The following NRDC variants were observed in gnomAD, a reference collection of about 807,000 sequenced individuals.
The protein encoded by NRDC is nardilysin.
NRDC carries 54 observed loss-of-function variants against 147.1 expected under a neutral mutation model. The ratio of observed to expected loss-of-function variants is 0.37; its 90% CI spans 0.29 to 0.46. NRDC has a LOEUF of 0.46. NRDC is among the 20% of genes least tolerant of loss of function. The pLI is 1.00. For missense variants in NRDC, 1,082 were observed against 1,370.6 expected, an observed-to-expected ratio of 0.79 and a Z score of 3.33; for synonymous variants, 440 against 482.1, an observed-to-expected ratio of 0.91 and a Z score of 1.14.
At chr1:51,876,814 C>T (rs79111080) in intron 1 of NRDC, among the ~76,000 whole-genome samples, 2,739 of 152,304 alleles carry the variant, frequency 0.018, 82 homozygotes, top group African/African-American at 0.063. Context: ...TTGTTTCTTG[C>T]GCTAACGCTG....
intron 4 of NRDC, among the ~76,000 whole-genome samples, chr1:51,831,312 G>A (rs1006153001): frequency 6.6e-5 from 10 of 152,088 alleles, no homozygotes; most frequent in African/African-American, 2.4e-4. Flanking sequence ...AATAAAATCA[G>A]TTATTTTTCC....
intron 5 of NRDC, among the ~76,000 whole-genome samples, chr1:51,825,979 A>G (rs1269858287): frequency 6.6e-6 from 1 of 152,374 alleles, no homozygotes; most frequent in East Asian, 1.9e-4. Context: ...CCCTTGTAAA[A>G]GAGACCTCAG....
chr1:51,870,857 TATCTTC>T (rs1314080228), intron 1 of NRDC, among the ~76,000 whole-genome samples: 2 of 152,100 alleles, frequency 1.3e-5, no homozygotes, highest in Non-Finnish European at 2.9e-5. Context: ...TTACTGTCTG[TATCTTC>T]AACTTCTCTA....
chr1:51,868,742 C>T (rs751312254), intron 1 of NRDC, among the ~76,000 whole-genome samples: 1 of 151,874 alleles, frequency 6.6e-6, no homozygotes, highest in Non-Finnish European at 1.5e-5. Context: ...TGTGGTGGTG[C>T]GTGCCTGTCG....
At chr1:51,830,556 G>A (rs1489483888) in intron 4 of NRDC, among the ~76,000 whole-genome samples, 3 of 152,116 alleles carry the variant, frequency 2.0e-5, no homozygotes, top group Non-Finnish European at 2.9e-5. Context: ...CAAGACTTGG[G>A]GTTCCCCAGA....
At chr1:51,821,442 A>C in intron 8 of NRDC, 56 bp downstream of exon 8, 1 of 1,230,660 alleles carries the variant, frequency 8.1e-7, no homozygotes, top group Non-Finnish European at 1.2e-6. Flanking sequence ...GACTCATACA[A>C]GATAATGGTC....
intron 1 of NRDC, among the ~76,000 whole-genome samples, chr1:51,877,511 G>GCA (rs369942145): frequency 1.5e-4 from 22 of 151,390 alleles, no homozygotes; most frequent in Admixed American, 9.2e-4. Context: ...AAACACACAC[G>GCA]CACACACACA....
chr1:51,798,797 A>G (rs535669496), intron 21 of NRDC: 1 of 165,172 alleles, frequency 6.1e-6, no homozygotes, highest in East Asian at 1.7e-4. Context: ...GATATCTATT[A>G]CTGCAGTGAC....
chr1:51,846,397 A>G (rs1681589156), intron 1 of NRDC, among the ~76,000 whole-genome samples: 1 of 152,188 alleles, frequency 6.6e-6, no homozygotes, highest in African/African-American at 2.4e-5. Flanking sequence ...TACAGACATG[A>G]GCCACCGTGC....
chr1:51,862,582 G>A (rs575397864), intron 1 of NRDC, among the ~76,000 whole-genome samples: 1 of 151,874 alleles, frequency 6.6e-6, no homozygotes, highest in South Asian at 2.1e-4. Context: ...AAATTAGCCC[G>A]AGGTGGTAAC....
chr1:51,859,945 T>C (rs1682447023), intron 1 of NRDC: 2 of 179,246 alleles, frequency 1.1e-5, no homozygotes, highest in Non-Finnish European at 2.6e-5. Flanking sequence ...TTACAGACTA[T>C]GGTGCCTACT....
chr1:51,840,622 A>AACAC (rs559064381), intron 1 of NRDC, 108 bp from the exon 2 acceptor site: 9 of 715,278 alleles, frequency 1.3e-5, no homozygotes, highest in Admixed American at 2.9e-5. Context: ...TAAAAGTACA[A>AACAC]ACACACACAC....
Position 51,814,913 on chromosome 1 carries a change from G to A in NRDC, c.1440-100C>T, listed in dbSNP as rs1679888829. ...ATAGAGGCTTTCTATGTAAAATGTG[G>A]AAATCTCAGCCTTTGAATGTAAACA... On this transcript the variant is annotated intron_variant, in intron 11 of 30. Coordinates refer to ENST00000352171, the MANE Select transcript of NRDC (RefSeq NM_001101662.2). The A allele has an allele frequency of 1.9e-5, 24 of 1,272,692 alleles. No homozygotes were observed. In the South Asian group the frequency reaches 3.8e-4, roughly 20 times the overall value. The allele number at this position is 1,272,692 out of a possible 1,614,324, so 78.8% of individuals were successfully genotyped here.
intron 1 of NRDC, among the ~76,000 whole-genome samples, chr1:51,842,942 T>C (rs554721014): frequency 6.6e-6 from 1 of 151,826 alleles, no homozygotes; most frequent in African/African-American, 2.4e-5. Context: ...GGTGTATCTA[T>C]GGTCCCAGCT....
chr1:51,846,426 T>C (rs1463458648), intron 1 of NRDC, among the ~76,000 whole-genome samples: 1 of 152,226 alleles, frequency 6.6e-6, no homozygotes, highest in East Asian at 1.9e-4. Context: ...CACTTTATAA[T>C]TCTTAAAACA....
chr1:51,855,262 G>A (rs1002504540), intron 1 of NRDC, among the ~76,000 whole-genome samples: 1 of 152,124 alleles, frequency 6.6e-6, no homozygotes, highest in Non-Finnish European at 1.5e-5. Context: ...TTAAGCATTA[G>A]CTACCTGGTC....
At chr1:51,844,519 G>C (rs188366595) in intron 1 of NRDC, among the ~76,000 whole-genome samples, 1 of 151,978 alleles carries the variant, frequency 6.6e-6, no homozygotes, top group Admixed American at 6.5e-5. Context: ...GAAGAGGACG[G>C]ATCATGAGGT....
At chr1:51,848,610 T>A (rs554941693) in intron 1 of NRDC, among the ~76,000 whole-genome samples, 1 of 152,270 alleles carries the variant, frequency 6.6e-6, no homozygotes, top group East Asian at 1.9e-4. Context: ...ATAAATAGAA[T>A]TCAGCAAAGT....
chr1:51,859,100 G>C (rs913886427), intron 1 of NRDC, among the ~76,000 whole-genome samples: 7 of 152,112 alleles, frequency 4.6e-5, no homozygotes, highest in Non-Finnish European at 2.9e-5. Flanking sequence ...TGTCCCATTA[G>C]AAATGCAAAT....
Sources: allele counts gnomAD v4.1 joint callset (sites outside exome capture counted in the v4.1 genomes callset), GRCh38; gene constraint gnomAD v4.1.1; transcripts MANE v1.5; gene names NCBI Gene and HGNC (gene_info 2026-07-23, HGNC 2026-07-21).